Variants in RBFOX3 observed in about 807,000 individuals in gnomAD.
RBFOX3 encodes the protein RNA binding protein fox-1 homolog 3.
Under a neutral mutation model 48.7 loss-of-function variants are expected in RBFOX3, and 17 were observed. That is an observed-to-expected ratio of 0.35 (90% CI 0.24 to 0.52). The LOEUF is 0.52. Among genes scored for constraint, RBFOX3 ranks in the 20% least tolerant of loss-of-function variants. The pLI, the probability that RBFOX3 is intolerant of heterozygous loss-of-function variation, is 0.94. For synonymous variants in RBFOX3, 212 were observed against 209.5 expected (o/e 1.01, Z -0.10); for missense variants, 382 against 497.5 (o/e 0.77, Z 2.21).
intron 1 of RBFOX3, among the ~76,000 whole-genome samples, chr17:79,587,650 C>G (rs1369956383): frequency 6.6e-6 from 1 of 152,184 alleles, no homozygotes; most frequent in Non-Finnish European, 1.5e-5. Context: ...GAGCAGCAGG[C>G]TGGCCAGAAA....
intron 4 of RBFOX3, among the ~76,000 whole-genome samples, chr17:79,134,623 C>T (rs1003225053): frequency 6.6e-6 from 1 of 152,228 alleles, no homozygotes; most frequent in Non-Finnish European, 1.5e-5. Flanking sequence ...TGCACCCTGA[C>T]CTGCAGCCTC....
the RBFOX3 span, among the ~76,000 whole-genome samples, chr17:79,644,936 A>G: frequency 6.6e-6 from 1 of 152,252 alleles, no homozygotes; most frequent in Non-Finnish European, 1.5e-5. Context: ...TGGAAGGCTC[A>G]GAAAATGGCA....
intron 2 of RBFOX3, among the ~76,000 whole-genome samples, chr17:79,322,135 T>A (rs1437970953): frequency 1.3e-5 from 2 of 150,602 alleles, no homozygotes; most frequent in African/African-American, 4.9e-5. Context: ...AAAAAAGAGA[T>A]GGGTGTGATG....
chr17:79,527,846 C>G (rs2150051520), intron 1 of RBFOX3, among the ~76,000 whole-genome samples: 1 of 152,278 alleles, frequency 6.6e-6, no homozygotes, highest in East Asian at 1.9e-4. Flanking sequence ...AGGAGGGCCT[C>G]CTGGGGCAAA....
At chr17:79,660,252 T>C in the RBFOX3 span, among the ~76,000 whole-genome samples, 4 of 152,074 alleles carry the variant, frequency 2.6e-5, no homozygotes, top group African/African-American at 9.7e-5. Flanking sequence ...GGGGCAAAGA[T>C]TTCATGACAA....
rs1298625389 is a variant in RBFOX3, at chr17:79,115,598, G to C, written c.118C>G (p.Pro40Ala). 1 of 1,430,592 alleles carries C rather than the reference G, an allele frequency of 7.0e-7. No homozygotes were observed. Among genetic ancestry groups the C allele is most frequent in the African/African-American group, 1.5e-5 (1 of 68,144 alleles). 88.6% of individuals were successfully genotyped at this position (1,430,592 alleles called of 1,614,324 possible). A position where few individuals can be genotyped will look rare whatever the true frequency, so the allele number is the denominator to read the frequency against. The change falls in exon 5 of 15, where the codon CCC (proline) becomes GCC (alanine). Residue 40 changes from proline to alanine, a missense_variant. Around this residue, in one of 3 missense-constraint regions of RBFOX3, gnomAD observed 118 missense variants for 132.1 expected, o/e 0.89. Coordinates refer to ENST00000693108, the MANE Select transcript of RBFOX3 (RefSeq NM_001350451.2). ...TACAGGGTCATGCCATGCTCTGTGG[G>C]GACCGGGGTCTGGCCGGAGTAGTCC... is the stretch of plus-strand genomic sequence containing the variant. ...TQDYSGQTPV[P>A]TEHGMTLYTP...
chr17:79,103,938 G>A lies in RBFOX3; in HGVS notation c.414+135C>T, dbSNP rs1003364725. ...GCGGGGCGGGTGGGGGCGGAAGAGCGGGGAATACAAGCACCCGTGTCGCTC... is the reference window on the plus strand; with the variant it reads ...GCGGGGCGGGTGGGGGCGGAAGAGCAGGGAATACAAGCACCCGTGTCGCTC... On this transcript the variant is annotated intron_variant, in intron 7 of 14. Transcript: ENST00000693108. The surrounding 1 kb of genome is among the most constrained non-coding windows in gnomAD (Gnocchi z 6.1). 4.3e-4 allele frequency: 304 copies of A among 714,598 alleles called. 1 individual carries two copies. The highest frequency in any genetic ancestry group is 5.8e-4 in the Non-Finnish European group (238 of 409,732). The allele number at this position is 714,598 out of a possible 1,614,324, so 44.3% of individuals were successfully genotyped here.
At chr17:79,534,915 A>G (rs1555788354) in intron 1 of RBFOX3, among the ~76,000 whole-genome samples, 1 of 152,202 alleles carries the variant, frequency 6.6e-6, no homozygotes, top group African/African-American at 2.4e-5. Context: ...CTGGGCCCAC[A>G]GAGACAAAGA....
the RBFOX3 span, among the ~76,000 whole-genome samples, chr17:79,664,374 C>A: frequency 4.7e-4 from 71 of 149,736 alleles, no homozygotes; most frequent in African/African-American, 1.7e-3. Context: ...GAGATGGAGT[C>A]TCGCTCTGTC....
In RBFOX3 at chr17:79,220,705, A is replaced by G. The variant is rs1440044743; in HGVS notation, c.-34+15061T>C. Among the ~76,000 whole-genome samples the G allele has an allele frequency of 6.6e-6, 1 of 152,032 alleles. No homozygotes were observed. Among genetic ancestry groups the G allele is most frequent in the African/African-American group, 2.4e-5 (1 of 41,396 alleles). ...TACTGAAGGTTAGAACAATTCTCAT[A>G]AGGTCCCTCTTGGCTTCAGAGGGTG... On this transcript the variant is annotated intron_variant, in intron 4 of 14. Coordinates refer to ENST00000693108, the MANE Select transcript of RBFOX3 (RefSeq NM_001350451.2). This position sits in a 1 kb window ranked among gnomAD's most constrained non-coding sequence, Gnocchi z 5.9.
chr17:79,391,852 C>T lies in RBFOX3; in HGVS notation c.-174-84028G>A, dbSNP rs1429025822. Among the ~76,000 whole-genome samples the T allele has an allele frequency of 5.3e-5, 8 of 151,000 alleles. No individual in the cohort carries two copies. In the South Asian group the frequency reaches 8.4e-4, roughly 16 times the overall value. On this transcript the variant is annotated intron_variant, in intron 2 of 14. Coordinates refer to ENST00000693108, the MANE Select transcript of RBFOX3 (RefSeq NM_001350451.2). The surrounding 1 kb of genome is among the most constrained non-coding windows in gnomAD (Gnocchi z 5.0). ...CACCCCCGCTCTGATCCTCGGTTTC[C>T]GAATCTGTTAAAAAAAAAAGGCTCC...
At chr17:79,433,119 T>G (rs2068766300) in intron 2 of RBFOX3, among the ~76,000 whole-genome samples, 1 of 152,200 alleles carries the variant, frequency 6.6e-6, no homozygotes, top group Admixed American at 6.5e-5. Flanking sequence ...CACAGACGTC[T>G]CTGCAGGGAG....
At chr17:79,403,859 A>C (rs1260361566) in intron 2 of RBFOX3, among the ~76,000 whole-genome samples, 1 of 143,906 alleles carries the variant, frequency 6.9e-6, no homozygotes, top group Non-Finnish European at 1.5e-5. Context: ...GGCTCACTGC[A>C]AGCTCCACCT....
chr17:79,133,042 G>A (rs1048270499), intron 4 of RBFOX3, among the ~76,000 whole-genome samples: 3 of 152,194 alleles, frequency 2.0e-5, no homozygotes, highest in Non-Finnish European at 2.9e-5. Flanking sequence ...GCCAAGGCTG[G>A]GTGGGCCTCA....
chr17:79,463,236 C>T (rs1308889203), intron 2 of RBFOX3, among the ~76,000 whole-genome samples: 2 of 139,396 alleles, frequency 1.4e-5, no homozygotes, highest in Non-Finnish European at 3.2e-5. Flanking sequence ...GCCACTGCCA[C>T]TGCCATCGCC....
At chr17:79,606,026 T>G (rs1324037635) in intron 1 of RBFOX3, among the ~76,000 whole-genome samples, 3 of 152,208 alleles carry the variant, frequency 2.0e-5, no homozygotes, top group Admixed American at 6.5e-5. Flanking sequence ...ATCCCCTGAC[T>G]GCAGAGCCTT....
chr17:79,217,009 C>T (rs2059145158), intron 4 of RBFOX3, among the ~76,000 whole-genome samples: 1 of 152,164 alleles, frequency 6.6e-6, no homozygotes, highest in African/African-American at 2.4e-5. Flanking sequence ...GGCAGAGATA[C>T]CCCCAAAGCA....
chr17:79,219,914 G>C (rs1403270487), intron 4 of RBFOX3, among the ~76,000 whole-genome samples: 2 of 150,198 alleles, frequency 1.3e-5, no homozygotes, highest in African/African-American at 5.0e-5. Flanking sequence ...ACTGGAGGCT[G>C]GGCCCAGCCC....
chr17:79,365,805 C>T (rs1418625684), intron 2 of RBFOX3, among the ~76,000 whole-genome samples: 1 of 152,216 alleles, frequency 6.6e-6, no homozygotes, highest in African/African-American at 2.4e-5. Context: ...GGGGCAGGCA[C>T]CTGGCAGGGT....
Sources: allele counts gnomAD v4.1 joint callset (sites outside exome capture counted in the v4.1 genomes callset), GRCh38; gene constraint gnomAD v4.1.1; regional missense constraint gnomAD v4.1.1; non-coding constraint Gnocchi (gnomAD v3.1); transcripts MANE v1.5; gene names NCBI Gene and HGNC (gene_info 2026-07-23, HGNC 2026-07-21).